GNE: variants seen among roughly 807,000 people sequenced by gnomAD.
GNE encodes glucosamine (UDP-N-acetyl)-2-epimerase/N-acetylmannosamine kinase.
A neutral mutation model predicts 61.8 loss-of-function variants in GNE; 41 were observed. That is an observed-to-expected ratio of 0.66 (90% CI 0.52 to 0.86). The LOEUF (loss-of-function observed/expected upper bound fraction) is 0.86. GNE is among the 40% of genes least tolerant of loss of function. The probability of loss-of-function intolerance (pLI) is 0.00; values close to 1 mark genes in which losing one functional copy is unlikely to be tolerated. For missense variants in GNE, 608 were observed against 909.1 expected (o/e 0.67, Z 4.26); for synonymous variants, 264 against 326.4 (o/e 0.81, Z 2.06).
chr9:36,232,343 C>G (rs1563937189), intron 5 of GNE, among the ~76,000 whole-genome samples: 2 of 110,696 alleles, frequency 1.8e-5, no homozygotes, highest in African/African-American at 7.9e-5. Flanking sequence ...CCCGCCCCCC[C>G]TCCCGACATT....
At chr9:36,261,952 A>T (rs1005013380), upstream of GNE, among the ~76,000 whole-genome samples, 19 of 151,790 alleles carry the variant, frequency 1.3e-4, no homozygotes, top group Non-Finnish European at 8.8e-5. Flanking sequence ...AGTCACTTGA[A>T]GTCAAGATGG....
chr9:36,268,890 G>A (rs991683651), intron 1 of GNE, among the ~76,000 whole-genome samples: 2 of 152,106 alleles, frequency 1.3e-5, no homozygotes, highest in African/African-American at 4.8e-5. Flanking sequence ...AGCACTTTGG[G>A]AGGCCAAAGT....
Position 36,255,059 on chromosome 9 carries a change from A to G in GNE, c.-43+3262T>C, listed in dbSNP as rs140076326. 4.5e-3 allele frequency among the ~76,000 whole-genome samples: 691 copies of G among 152,312 alleles called. 3 individuals carry two copies. The highest frequency in any genetic ancestry group is 8.0e-3 in the Non-Finnish European group (547 of 68,022). On this transcript the variant is annotated intron_variant, in intron 1 of 11. Coordinates refer to ENST00000642385, the MANE Select transcript of GNE (RefSeq NM_005476.7). ...CATTGTTCTATTTTTCAGTTTACTC[A>G]TATGGCCAGCTTGCTCTCAGTTTAG...
At chr9:36,257,957 C>A (rs1830455154) in intron 1 of GNE, among the ~76,000 whole-genome samples, 1 of 152,044 alleles carries the variant, frequency 6.6e-6, no homozygotes, top group Admixed American at 6.6e-5. Context: ...GGACAGCTCG[C>A]CTGCCAGGCA....
At chr9:36,244,964 T>C (rs906763081) in intron 3 of GNE, among the ~76,000 whole-genome samples, 8 of 145,256 alleles carry the variant, frequency 5.5e-5, no homozygotes, top group African/African-American at 2.0e-4. Context: ...AATGACCATT[T>C]TGCCAATGTA....
At chr9:36,239,921 C>T (rs1296161122) in intron 3 of GNE, among the ~76,000 whole-genome samples, 3 of 150,224 alleles carry the variant, frequency 2.0e-5, no homozygotes, top group African/African-American at 7.4e-5. Flanking sequence ...TTTAATTTTG[C>T]AGCTGTTGTA....
chr9:36,273,199 C>T (rs971426209), intron 1 of GNE, among the ~76,000 whole-genome samples: 3 of 150,360 alleles, frequency 2.0e-5, no homozygotes, highest in African/African-American at 7.3e-5. Context: ...CAAATTTGTG[C>T]TAGACATTAT....
chr9:36,237,641 C>T (rs1217919743), intron 3 of GNE, among the ~76,000 whole-genome samples: 1 of 118,972 alleles, frequency 8.4e-6, no homozygotes, highest in African/African-American at 2.7e-5. Context: ...GTGAGCTCCA[C>T]TTACTTTTTT....
intron 3 of GNE, among the ~76,000 whole-genome samples, chr9:36,239,925 T>C (rs1810739011): frequency 6.6e-6 from 1 of 152,082 alleles, no homozygotes; most frequent in South Asian, 2.1e-4. Context: ...ATTTTGCAGC[T>C]GTTGTAATAG....
At chr9:36,268,229 C>T (rs1013958759) in intron 1 of GNE, among the ~76,000 whole-genome samples, 2 of 152,178 alleles carry the variant, frequency 1.3e-5, no homozygotes, top group African/African-American at 4.8e-5. Context: ...TCAGTCATCC[C>T]TGACTAATAG....
At position 36,266,015 on chromosome 9, in the gene GNE, G is replaced by C. The variant is rs115256989; in HGVS notation, c.51+10879C>G. Among the ~76,000 whole-genome samples the C allele has an allele frequency of 5.3e-3, 813 of 152,188 alleles. 9 individuals carry two copies. Among genetic ancestry groups the C allele is most frequent in the African/African-American group, 0.018 (768 of 41,528 alleles). On this transcript the variant is annotated intron_variant, in intron 1 of 11. Coordinates refer to the GNE transcript ENST00000396594. ...CGCAATCTTGGCTTCTTGGCTCACT[G>C]TAAGCTCCACCTCCCGAGTTCAAGT...
chr9:36,223,051 A>G, intron 8 of GNE, 53 bp from the exon 9 acceptor site: 1 of 1,508,946 alleles, frequency 6.6e-7, no homozygotes. Context: ...ATCTCAGGAA[A>G]GTATGCTGAC....
At position 36,222,698 on chromosome 9, in the gene GNE, T is replaced by C; in HGVS notation, c.1633+79A>G. The C allele has an allele frequency of 1.0e-5, 10 of 994,758 alleles. No homozygotes were observed. In the South Asian group the frequency reaches 1.3e-4, roughly 13 times the overall value. The allele number at this position is 994,758 out of a possible 1,614,324, so 61.6% of individuals were successfully genotyped here. On this transcript the variant is annotated intron_variant, in intron 9 of 11. Coordinates refer to ENST00000642385, the MANE Select transcript of GNE (RefSeq NM_005476.7). Reference sequence around the variant, plus strand: ...CAGGAAGTGAAGGCTAAGGCAGAGTTGTAACCACCTGACCATGTTGAAGAC... The same window carrying C: ...CAGGAAGTGAAGGCTAAGGCAGAGTCGTAACCACCTGACCATGTTGAAGAC...
rs1417875609 is a variant in GNE at position 36,236,804 on chromosome 9, G to C, written c.769+28C>G. 3.1e-6 allele frequency: 5 copies of C among 1,604,232 alleles called. No homozygotes were observed. In the South Asian group the frequency reaches 4.4e-5, roughly 14 times the overall value. On this transcript the variant is annotated intron_variant, in intron 4 of 11. Transcript: ENST00000642385. Reference sequence around the variant, plus strand: ...AACATAAAATTGGGAAAAGTAGGTGGCATAATTTCATTTTCAAGTTCAATT... The same window carrying C: ...AACATAAAATTGGGAAAAGTAGGTGCCATAATTTCATTTTCAAGTTCAATT...
In GNE at chr9:36,222,715, G is replaced by A. The variant is rs551231508; in HGVS notation, c.1633+62C>T. 24 of 1,114,214 alleles carry A rather than the reference G, an allele frequency of 2.2e-5. No individual in the cohort carries two copies. The South Asian group carries it at 3.0e-4, about 14-fold the overall frequency. The allele number at this position is 1,114,214 out of a possible 1,614,324, so 69.0% of individuals were successfully genotyped here. A position where few individuals can be genotyped will look rare whatever the true frequency, so the allele number is the denominator to read the frequency against. On this transcript the variant is annotated intron_variant, in intron 9 of 11. Transcript: ENST00000642385. ...GGCAGAGTTGTAACCACCTGACCAT[G>A]TTGAAGACATGCTCCAATATACATT...
chr9:36,221,503 T>A (rs1429972119), intron 9 of GNE, among the ~76,000 whole-genome samples: 7 of 150,348 alleles, frequency 4.7e-5, no homozygotes, highest in Admixed American at 3.3e-4. Context: ...TAAAATAGAG[T>A]AAAAAAACAA....
Position 36,269,158 on chromosome 9 carries a change from A to G in GNE, c.51+7736T>C, listed in dbSNP as rs193224105. 2.1e-3 allele frequency among the ~76,000 whole-genome samples: 314 copies of G among 151,286 alleles called. 1 individual carries two copies. The highest frequency in any genetic ancestry group is 7.3e-3 in the African/African-American group (302 of 41,292). On this transcript the variant is annotated intron_variant, in intron 1 of 11. Transcript: ENST00000396594. ...AAAAAAAAAAAAAGCCTAAGCATGA[A>G]CATAAGGCCTCAACCTCTCTCTCTC...
In GNE at chr9:36,216,327, A is replaced by ATTGTGTGTGTGTGCGTGTGTGTG. The variant is rs3222477; in HGVS notation, c.*1037_*1038insCACACACACGCACACACACACAA. The ATTGTGTGTGTGTGCGTGTGTGTG allele has an allele frequency of 3.0e-6, 1 of 336,026 alleles. No homozygotes were observed. Among genetic ancestry groups the ATTGTGTGTGTGTGCGTGTGTGTG allele is most frequent in the Non-Finnish European group, 6.1e-6 (1 of 162,972 alleles). 20.8% of individuals were successfully genotyped at this position (336,026 alleles called of 1,614,324 possible). ...TTAGTTTGGGGTTAGAGGAGGAAGG[A>ATTGTGTGTGTGTGCGTGTGTGTG]TGTGTGTGTGTGTGTGTGTGTGTGT... On this transcript the variant is annotated 3_prime_UTR_variant, in exon 12 of 12. Coordinates refer to ENST00000642385, the MANE Select transcript of GNE (RefSeq NM_005476.7).
upstream of GNE, among the ~76,000 whole-genome samples, chr9:36,261,730 C>T (rs747738082): frequency 6.6e-6 from 1 of 151,650 alleles, no homozygotes; most frequent in African/African-American, 2.4e-5. Context: ...ACCATCCTGG[C>T]GAACACTTGT....
Sources: gnomAD v4.1 joint callset for allele counts (sites outside exome capture counted in the v4.1 genomes callset) on GRCh38, gnomAD v4.1.1 for gene constraint, MANE v1.5 for transcripts, NCBI Gene and HGNC (gene_info 2026-07-23, HGNC 2026-07-21) for gene names.